The following ZNF132 variants were observed in gnomAD, a reference collection of about 807,000 sequenced individuals.
ZNF132 encodes zinc finger protein 132.
ZNF132 carries 6 observed loss-of-function variants against 9.3 expected under a neutral mutation model. That is an observed-to-expected ratio of 0.65 (90% CI 0.35 to 1.28). The LOEUF is 1.28. Ranked by LOEUF, ZNF132 falls within the 50% of genes most tolerant of loss-of-function variation. The pLI, the probability that ZNF132 is intolerant of heterozygous loss-of-function variation, is 0.03. For synonymous variants in ZNF132, 296 were observed against 292.0 expected (o/e 1.01, Z -0.14); for missense variants, 877 against 843.2 (o/e 1.04, Z -0.50).
chr19:58,436,734 T>C (rs1599967415), intron 2 of ZNF132, among the ~76,000 whole-genome samples: 1 of 146,022 alleles, frequency 6.8e-6, no homozygotes, highest in East Asian at 2.0e-4. Flanking sequence ...AATCTGGGCA[T>C]GACCTCATAC....
Position 58,434,836 on chromosome 19 carries a change from C to T in ZNF132, c.608G>A (p.Gly203Asp), listed in dbSNP as rs1122955. 322,288 of 1,614,012 alleles carry T rather than the reference C, an allele frequency of 0.2. 33,666 individuals carry two copies. Among genetic ancestry groups the T allele is most frequent in the Non-Finnish European group, 0.21 (251,716 of 1,179,994 alleles). Residue 203 changes from glycine (G) to aspartate (D), a missense_variant, in exon 3 of 3, where the codon GGC becomes GAC. Gly to Asp is a moderately conservative substitution (Grantham distance 94). Transcript: ENST00000254166. ...TCREGGKVILGSCDLLQLQAV... is the reference protein window; with the variant it reads ...TCREGGKVILDSCDLLQLQAV... ...TTGAAGCTGGAGGAGGTCACAGCTG[C>T]CCAGGATGACCTTCCCACCTTCCCT...
intron 2 of ZNF132, chr19:58,436,449 G>T: frequency 6.4e-6 from 1 of 156,802 alleles, no homozygotes; most frequent in Non-Finnish European, 1.4e-5. Context: ...GGTGGATCAC[G>T]AGGTCAGGAG....
chr19:58,433,316 G>T lies in ZNF132; in HGVS notation c.*7C>A, dbSNP rs149334340. The T allele has an allele frequency of 3.1e-6, 5 of 1,604,276 alleles. No individual in the cohort carries two copies. Among genetic ancestry groups the T allele is most frequent in the South Asian group, 1.1e-5 (1 of 90,152 alleles). ...TTCTCACAAAGACCACTTCCATAAG[G>T]CTCCACTCAGGTATGAATCTTTTTA... On this transcript the variant is annotated 3_prime_UTR_variant, in exon 3 of 3. Transcript: ENST00000254166.
rs146663915 is a variant in ZNF132 at position 58,434,031 on chromosome 19, G to T, written c.1413C>A (p.Ser471Arg). The change falls in exon 3 of 3, where the codon AGC becomes AGA. Residue 471 changes from serine to arginine, a missense_variant. Transcript: ENST00000254166. The stretch of plus-strand genomic sequence containing the variant: ...CTTTCTGATGTCGAAGGAGATGGGA[G>T]CTTTGGCTGAAGTCTCTTCCACATT... ...CSECGRDFSQ[S>R]SHLLRHQKVH... 6.2e-7 allele frequency: 1 copy of T among 1,614,122 alleles called. No homozygotes were observed. Among genetic ancestry groups the T allele is most frequent in the Non-Finnish European group, 8.5e-7 (1 of 1,180,008 alleles).
chr19:58,436,808 G>T, intron 2 of ZNF132: 1 of 637,970 alleles, frequency 1.6e-6, no homozygotes, highest in Admixed American at 2.1e-5. Flanking sequence ...GGAGGTGTCT[G>T]ATCCCCAACC....
chr19:58,434,259 T>C lies in ZNF132; in HGVS notation c.1185A>G (p.Lys395=), dbSNP rs2122293623. 6.2e-7 allele frequency: 1 copy of C among 1,614,190 alleles called. No homozygotes were observed. Among genetic ancestry groups the C allele is most frequent in the South Asian group, 1.1e-5 (1 of 91,080 alleles). The change falls in exon 3 of 3, where the codon AAA becomes AAG. Residue 395 remains lysine (K), a synonymous_variant. Transcript: ENST00000254166. ...SQSSNFLRHQ[K]VHTQVRPYEC... is the part of the protein sequence containing the mutation. ...CATAAGGTCTTACCTGTGTGTGAAC[T>C]TTCTGATGCCGAAGGAAATTGGAGC...
chr19:58,434,436 A>G lies in ZNF132; in HGVS notation c.1008T>C (p.His336=), dbSNP rs148156127. The G allele has an allele frequency of 1.2e-6, 2 of 1,614,136 alleles. No individual in the cohort carries two copies. The highest frequency in any genetic ancestry group is 1.3e-5 in the African/African-American group (1 of 74,940). The stretch of plus-strand genomic sequence containing the variant: ...TTTCTCCTGAGTGAATTCTCTGATG[A>G]TGAACAAATGTGAGTTTGTGGTTGA... ...KTFNHKLTFV[H]HQRIHSGERP... is the part of the protein sequence containing the mutation. The change falls in exon 3 of 3, where the codon CAT becomes CAC. Residue 336 remains histidine, a synonymous_variant. Coordinates refer to ENST00000254166, the MANE Select transcript of ZNF132 (RefSeq NM_003433.4).
chr19:58,434,221 C>G lies in ZNF132; in HGVS notation c.1223G>C (p.Cys408Ser). Residue 408 changes from cysteine (C) to serine (S), a missense_variant, in exon 3 of 3, where the codon TGT becomes TCT. Coordinates refer to ENST00000254166, the MANE Select transcript of ZNF132 (RefSeq NM_003433.4). ...TQVRPYECSQ[C>S]GKSFSRSSAL... ...AGAGCTTCGGCTGAAGGATTTACCA[C>G]ATTGACTGCACTCATAAGGTCTTAC... The G allele has an allele frequency of 6.2e-7, 1 of 1,614,234 alleles. No homozygotes were observed. The highest frequency in any genetic ancestry group is 8.5e-7 in the Non-Finnish European group (1 of 1,180,042).
Position 58,433,677 on chromosome 19 carries a change from A to G in ZNF132, c.1767T>C (p.His589=), listed in dbSNP as rs775045349. The part of the protein sequence containing the change: ...FFSQNSILIK[H]QKVHTGEKPY... Reference sequence around the variant, plus strand: ...GCTTTTCTCCAGTATGAACTTTCTGATGCTTAATGAGAATGGAGTTTTGGC... The same window carrying G: ...GCTTTTCTCCAGTATGAACTTTCTGGTGCTTAATGAGAATGGAGTTTTGGC... Residue 589 remains histidine, a synonymous_variant, in exon 3 of 3, where the codon CAT becomes CAC. Coordinates refer to ENST00000254166, the MANE Select transcript of ZNF132 (RefSeq NM_003433.4). The G allele has an allele frequency of 5.6e-6, 9 of 1,613,934 alleles. 1 individual carries two copies. The South Asian group carries it at 6.6e-5, about 12-fold the overall frequency.
intron 1 of ZNF132, among the ~76,000 whole-genome samples, chr19:58,438,000 G>T (rs560392286): frequency 2.6e-4 from 39 of 152,180 alleles, no homozygotes; most frequent in African/African-American, 8.2e-4. Context: ...CTTGGCTTGG[G>T]GACTCAGCTT....
In ZNF132 at chr19:58,434,002, T is replaced by C. The variant is rs201794795; in HGVS notation, c.1442A>G (p.His481Arg). 1.2e-6 allele frequency: 2 copies of C among 1,614,084 alleles called. No individual in the cohort carries two copies. Among genetic ancestry groups the C allele is most frequent in the East Asian group, 2.2e-5 (1 of 44,898 alleles). ...SSHLLRHQKV[H>R]TGERPFECCD... ...GCATTCAAAAGGCCGTTCTCCAGTG[T>C]GAACTTTCTGATGTCGAAGGAGATG... The change falls in exon 3 of 3, where the codon CAC (histidine) becomes CGC (arginine). Residue 481 changes from histidine to arginine, a missense_variant. Physicochemically the swap from His to Arg is conservative, Grantham distance 29. Transcript: ENST00000254166.
At chr19:58,435,308 G>A (rs2052767341) in intron 2 of ZNF132, 97 bp from the exon 3 acceptor site, 3 of 1,399,296 alleles carry the variant, frequency 2.1e-6, no homozygotes, top group Admixed American at 2.4e-5. Flanking sequence ...CCCAAGAAGA[G>A]GTCCCAGGGA....
At chr19:58,436,927 C>A (rs2052776409) in intron 2 of ZNF132, 120 bp downstream of exon 2, 1 of 1,415,054 alleles carries the variant, frequency 7.1e-7, no homozygotes, top group Non-Finnish European at 9.9e-7. Flanking sequence ...CCAGCACCTA[C>A]AACAGGAAAC....
intron 1 of ZNF132, among the ~76,000 whole-genome samples, chr19:58,438,315 CAT>C (rs1019429713): frequency 7.9e-5 from 12 of 152,168 alleles, no homozygotes; most frequent in Non-Finnish European, 1.5e-4. Context: ...CTAAACCCGA[CAT>C]AATTTCATAA....
Position 58,440,117 on chromosome 19 carries a change from T to G in ZNF132, c.-296A>C. The G allele has an allele frequency of 2.3e-6, 1 of 438,426 alleles. No homozygotes were observed. The allele number at this position is 438,426 out of a possible 1,614,324, so 27.2% of individuals were successfully genotyped here. A position where few individuals can be genotyped will look rare whatever the true frequency, so the allele number is the denominator to read the frequency against. ...CTGGTGTGGCTCCAGAGGCCTGCTG[T>G]AGCCCAACCCACCAGCAGCAAAATG... is the stretch of plus-strand genomic sequence containing the variant. On this transcript the variant is annotated 5_prime_UTR_variant, in exon 1 of 3. Transcript: ENST00000254166.
chr19:58,439,616 C>G (rs1056537681), intron 1 of ZNF132, 143 bp downstream of exon 1: 45 of 808,254 alleles, frequency 5.6e-5, no homozygotes, highest in Non-Finnish European at 1.5e-5. Context: ...GGGTAAGTGA[C>G]TCCCAGGGCA....
intron 1 of ZNF132, among the ~76,000 whole-genome samples, chr19:58,439,337 A>C (rs2052789436): frequency 6.6e-6 from 1 of 151,946 alleles, no homozygotes; most frequent in African/African-American, 2.4e-5. Context: ...TACTTCCTCT[A>C]CTCCAAACCT....
At position 58,433,067 on chromosome 19, in the gene ZNF132, C is replaced by T. The variant is rs1458963986; in HGVS notation, c.*256G>A. 3.8e-6 allele frequency: 2 copies of T among 525,382 alleles called. No homozygotes were observed. Among genetic ancestry groups the T allele is most frequent in the Non-Finnish European group, 6.7e-6 (2 of 298,030 alleles). 32.5% of individuals were successfully genotyped at this position (525,382 alleles called of 1,614,324 possible). A position where few individuals can be genotyped will look rare whatever the true frequency, so the allele number is the denominator to read the frequency against. On this transcript the variant is annotated 3_prime_UTR_variant, in exon 3 of 3. Coordinates refer to ENST00000254166, the MANE Select transcript of ZNF132 (RefSeq NM_003433.4). ...GAAGGAAGGCTCAGGGTACTGTTTT[C>T]CCCATGCATGAGGACAGGACTGCTG...
At position 58,433,966 on chromosome 19, in the gene ZNF132, C is replaced by G. The variant is rs765850435; in HGVS notation, c.1478G>C (p.Gly493Ala). 1.2e-6 allele frequency: 2 copies of G among 1,614,190 alleles called. No individual in the cohort carries two copies. The highest frequency in any genetic ancestry group is 1.7e-6 in the Non-Finnish European group (2 of 1,180,038). ...GERPFECCDCGKAFSNSSTLI... is the reference protein window; with the variant it reads ...GERPFECCDCAKAFSNSSTLI... ...GGTGGAGCTATTACTGAAGGCTTTA[C>G]CACAATCACAGCATTCAAAAGGCCG... The change falls in exon 3 of 3, where the codon GGT becomes GCT. Residue 493 changes from glycine (G) to alanine (A), a missense_variant. Physicochemically the swap from Gly to Ala is moderately conservative, Grantham distance 60 (BLOSUM62 0). Transcript: ENST00000254166.
Sources: allele counts gnomAD v4.1 joint callset (sites outside exome capture counted in the v4.1 genomes callset), GRCh38; gene constraint gnomAD v4.1.1; transcripts MANE v1.5; gene names NCBI Gene and HGNC (gene_info 2026-07-23, HGNC 2026-07-21).